Variants in OR10R2 observed in about 807,000 individuals in gnomAD.
OR10R2 encodes olfactory receptor 10R2.
OR10R2 carries 1 observed loss-of-function variant against 2.4 expected under a neutral mutation model. The ratio of observed to expected loss-of-function variants is 0.41; its 90% CI spans 0.15 to 1.95. The LOEUF (loss-of-function observed/expected upper bound fraction) is 1.95. OR10R2 is among the 30% of genes most tolerant of loss of function. OR10R2 has a pLI of 0.30. For synonymous variants in OR10R2, 166 were observed against 144.8 expected, an observed-to-expected ratio of 1.15 and a Z score of -1.05; for missense variants, 419 against 373.0, an observed-to-expected ratio of 1.12 and a Z score of -1.01.
At chr1:158,472,884 A>G (rs952224) in intron 1 of OR10R2, among the ~76,000 whole-genome samples, 86,403 of 151,978 alleles carry the variant, frequency 0.57, 24,856 homozygotes, top group Middle Eastern at 0.61. Flanking sequence ...AAGAAAGGAA[A>G]GAAATATTTA....
exon 2 of OR10R2, chr1:158,479,955 C>T: frequency 6.2e-7 from 1 of 1,613,972 alleles, no homozygotes; most frequent in Non-Finnish European, 8.5e-7. Flanking sequence ...CAGAAAACCT[C>T]ACCATGGTCA....
rs1053790702 is a variant in OR10R2 at position 158,475,461 on chromosome 1, CTACTT to C, written c.27+3117_27+3121del. Among the ~76,000 whole-genome samples the C allele has an allele frequency of 6.6e-5, 10 of 151,882 alleles. No homozygotes were observed. In the East Asian group the frequency reaches 9.6e-4, roughly 15 times the overall value. ...AATTTGATGAGTGTAAATAATATCT[CTACTT>C]TACTTTATTTGAAATACACTTCAAG... On this transcript the variant is annotated intron_variant, in intron 1 of 1. Coordinates refer to ENST00000641067, the Ensembl canonical transcript of OR10R2.
chr1:158,472,858 T>C (rs998323792), intron 1 of OR10R2, among the ~76,000 whole-genome samples: 2 of 152,246 alleles, frequency 1.3e-5, no homozygotes, highest in African/African-American at 4.8e-5. Flanking sequence ...GCACCAGTCT[T>C]AAGAAGGAAT....
chr1:158,474,689 T>C (rs1656238952), intron 1 of OR10R2: 1 of 152,212 alleles, frequency 6.6e-6, no homozygotes, highest in African/African-American at 2.4e-5. Context: ...AGTACAAATA[T>C]ATTTTAATTG....
At chr1:158,480,450 C>T (rs1656371350) in exon 2 of OR10R2, 1 of 1,613,898 alleles carries the variant, frequency 6.2e-7, no homozygotes, top group African/African-American at 1.3e-5. Context: ...TTTGTAGCGC[C>T]AACAAAGTCA....
At chr1:158,480,375 T>A (rs745827584) in exon 2 of OR10R2, 15 of 1,614,180 alleles carry the variant, frequency 9.3e-6, no homozygotes, top group Non-Finnish European at 1.2e-5. Context: ...AACTGGCAGC[T>A]GCCTGTGCAA....
chr1:158,480,692 A>T, exon 2 of OR10R2: 1 of 1,613,630 alleles, frequency 6.2e-7, no homozygotes, highest in South Asian at 1.1e-5. Flanking sequence ...ATTGTTCATT[A>T]TGGCTGTGCT....
chr1:158,478,496 G>C (rs1292664929), intron 1 of OR10R2, among the ~76,000 whole-genome samples: 1 of 152,058 alleles, frequency 6.6e-6, no homozygotes, highest in East Asian at 1.9e-4. Flanking sequence ...CTTATACTAA[G>C]ATTTAATTAA....
chr1:158,472,234 G>T, exon 1 of OR10R2: 1 of 398,650 alleles, frequency 2.5e-6, no homozygotes, highest in Non-Finnish European at 4.4e-6. Flanking sequence ...AAATTACCAA[G>T]CAGGCATTGA....
chr1:158,476,826 G>A (rs1317580089), intron 1 of OR10R2, among the ~76,000 whole-genome samples: 1 of 152,054 alleles, frequency 6.6e-6, no homozygotes, highest in Admixed American at 6.6e-5. Flanking sequence ...TTTCTCTGAT[G>A]ATTATTGATG....
At chr1:158,472,809 A>T (rs1014573651) in intron 1 of OR10R2, among the ~76,000 whole-genome samples, 1 of 152,178 alleles carries the variant, frequency 6.6e-6, no homozygotes, top group African/African-American at 2.4e-5. Flanking sequence ...AAAAAAGAAC[A>T]TTAGAGATAT....
chr1:158,472,678 T>G (rs1656186324), intron 1 of OR10R2, among the ~76,000 whole-genome samples: 1 of 152,212 alleles, frequency 6.6e-6, no homozygotes, highest in Non-Finnish European at 1.5e-5. Context: ...CAGAAATTGT[T>G]GAGATTTTCT....
At chr1:158,475,605 G>T (rs551092896) in intron 1 of OR10R2, among the ~76,000 whole-genome samples, 1 of 151,298 alleles carries the variant, frequency 6.6e-6, no homozygotes, top group East Asian at 1.9e-4. Context: ...TTCTCCATCG[G>T]CTTGTAATAC....
chr1:158,476,469 A>T (rs1291145652), intron 1 of OR10R2, among the ~76,000 whole-genome samples: 6 of 145,248 alleles, frequency 4.1e-5, no homozygotes, highest in Admixed American at 7.1e-5. Context: ...AATTGCTTGA[A>T]CCCGGGAGGC....
exon 2 of OR10R2, chr1:158,480,266 C>A: frequency 6.2e-7 from 1 of 1,614,098 alleles, no homozygotes; most frequent in Non-Finnish European, 8.5e-7. Context: ...TTTGCCATTA[C>A]CAACTGCCTG....
At chr1:158,474,751 A>T (rs1656240375) in intron 1 of OR10R2, 1 of 152,170 alleles carries the variant, frequency 6.6e-6, no homozygotes, top group East Asian at 1.9e-4. Flanking sequence ...TATTTGCTTT[A>T]AATAAGAGCT....
chr1:158,478,282 T>C (rs1229860011), intron 1 of OR10R2, among the ~76,000 whole-genome samples: 2 of 152,148 alleles, frequency 1.3e-5, no homozygotes. Context: ...AAAGCAATTG[T>C]AGCAAAAACA....
At chr1:158,477,356 A>C (rs1280479633) in intron 1 of OR10R2, among the ~76,000 whole-genome samples, 3 of 152,212 alleles carry the variant, frequency 2.0e-5, no homozygotes, top group African/African-American at 7.2e-5. Context: ...AGAAAATGTC[A>C]AACTATTTGT....
At chr1:158,474,606 T>A (rs1038923381) in intron 1 of OR10R2, 1 of 152,170 alleles carries the variant, frequency 6.6e-6, no homozygotes, top group Non-Finnish European at 1.5e-5. Flanking sequence ...CATTCTCCAA[T>A]AAAGATGTTA....
Sources: gnomAD v4.1 joint callset for allele counts (sites outside exome capture counted in the v4.1 genomes callset) on GRCh38, gnomAD v4.1.1 for gene constraint, MANE v1.5 for transcripts, NCBI Gene and HGNC (gene_info 2026-07-23, HGNC 2026-07-21) for gene names.